AIG1: variants seen among roughly 807,000 people sequenced by gnomAD.
The protein encoded by AIG1 is androgen induced 1.
A neutral mutation model predicts 31.4 loss-of-function variants in AIG1; 23 were observed. That is an observed-to-expected ratio of 0.73 (90% CI 0.53 to 1.04). The LOEUF (loss-of-function observed/expected upper bound fraction) is 1.04, where lower values mean the gene tolerates loss of function less well. Among genes scored for constraint, AIG1 ranks in the 50% least tolerant of loss-of-function variants. AIG1 has a pLI of 0.00. For synonymous variants in AIG1, 100 were observed against 110.5 expected (o/e 0.90, Z 0.60); for missense variants, 274 against 295.0 (o/e 0.93, Z 0.52).
At chr6:143,295,344 A>T (rs9496564) in intron 4 of AIG1, among the ~76,000 whole-genome samples, 1 of 152,132 alleles carries the variant, frequency 6.6e-6, no homozygotes, top group African/African-American at 2.4e-5. Flanking sequence ...AACAAATGTC[A>T]TCATGCTACT....
chr6:143,141,245 C>A (rs1190594834), intron 2 of AIG1, among the ~76,000 whole-genome samples: 1 of 152,180 alleles, frequency 6.6e-6, no homozygotes, highest in Non-Finnish European at 1.5e-5. Context: ...TTCTCTCTCA[C>A]CTCAGCTGAA....
In AIG1 at chr6:143,190,366, G is replaced by C. The variant is rs566227045; in HGVS notation, c.399+25183G>C. 4.1e-6 allele frequency: 4 copies of C among 985,408 alleles called. No homozygotes were observed. In the African/African-American group the frequency reaches 7.0e-5, roughly 17 times the overall value. The allele number at this position is 985,408 out of a possible 1,614,324, so 61.0% of individuals were successfully genotyped here. On this transcript the variant is annotated intron_variant, in intron 3 of 5. Coordinates refer to ENST00000357847, the MANE Select transcript of AIG1 (RefSeq NM_016108.4). ...CTCCTCATGCCCTTGCTCTCCCACT[G>C]ACCTCAGTGCTCAGCACTGGCTTTC...
intron 1 of AIG1, among the ~76,000 whole-genome samples, chr6:143,110,857 C>T (rs559572600): frequency 6.6e-6 from 1 of 152,194 alleles, no homozygotes; most frequent in South Asian, 2.1e-4. Context: ...ATGAATAAAC[C>T]AATGCATATT....
downstream of AIG1, chr6:143,342,673 C>A: frequency 8.2e-7 from 1 of 1,220,394 alleles, no homozygotes; most frequent in East Asian, 2.3e-5. Flanking sequence ...GGTTGGATAG[C>A]ATAAGACCAC....
At chr6:143,138,547 A>G (rs1314998760) in intron 2 of AIG1, among the ~76,000 whole-genome samples, 1 of 152,092 alleles carries the variant, frequency 6.6e-6, no homozygotes, top group Non-Finnish European at 1.5e-5. Flanking sequence ...TTCTATAGCC[A>G]TGTCATTGCC....
intron 1 of AIG1, among the ~76,000 whole-genome samples, chr6:143,065,540 AG>A (rs1431929354): frequency 1.3e-5 from 2 of 152,226 alleles, no homozygotes; most frequent in Non-Finnish European, 2.9e-5. Context: ...AAGATAATAA[AG>A]AAGAATTAGG....
intron 1 of AIG1, among the ~76,000 whole-genome samples, chr6:143,115,120 G>A (rs1373873611): frequency 6.6e-6 from 1 of 152,182 alleles, no homozygotes; most frequent in Non-Finnish European, 1.5e-5. Context: ...ATTTTGGTCA[G>A]TTTTGCAATT....
intron 1 of AIG1, among the ~76,000 whole-genome samples, chr6:143,090,664 T>C (rs1779221847): frequency 6.6e-6 from 1 of 152,236 alleles, no homozygotes; most frequent in Admixed American, 6.5e-5. Context: ...TGTACATGCC[T>C]TAATTTAAAA....
At position 143,333,810 on chromosome 6, in the gene AIG1, A is replaced by G. The variant is rs769656145; in HGVS notation, c.679+365A>G. Among the ~76,000 whole-genome samples the G allele has an allele frequency of 2.6e-5, 4 of 152,202 alleles. No individual in the cohort carries two copies. Among genetic ancestry groups the G allele is most frequent in the Non-Finnish European group, 5.9e-5 (4 of 68,036 alleles). ...TAAAGGGACCTCAAATTAAATAGAT[A>G]CATTATTAAATGTAACCAATCTCCT... On this transcript the variant is annotated intron_variant, in intron 5 of 5. Transcript: ENST00000357847. This position sits in a 1 kb window ranked among gnomAD's most constrained non-coding sequence, Gnocchi z 4.6.
intron 3 of AIG1, among the ~76,000 whole-genome samples, chr6:143,261,117 G>A (rs1159257842): frequency 6.6e-6 from 1 of 152,022 alleles, no homozygotes; most frequent in Non-Finnish European, 1.5e-5. Flanking sequence ...AAGGAAGAAG[G>A]AAAGCATGAG....
Position 143,308,152 on chromosome 6 carries a change from C to T in AIG1, c.515+23927C>T, listed in dbSNP as rs60630168. ...GGAAAGGGAACTCCCTGACCCCTTG[C>T]GCTTCCTGAGTGAGGCAATGCCTCG... is the stretch of plus-strand genomic sequence containing the variant. On this transcript the variant is annotated intron_variant, in intron 4 of 5. Coordinates refer to ENST00000357847, the MANE Select transcript of AIG1 (RefSeq NM_016108.4). Among the ~76,000 whole-genome samples the T allele has an allele frequency of 3.0e-3, 456 of 152,328 alleles. 15 individuals carry two copies. The East Asian group carries it at 0.073, about 24-fold the overall frequency.
Position 143,331,846 on chromosome 6 carries a change from T to TTTATTATTATTATTA in AIG1, c.516-1409_516-1395dup, listed in dbSNP as rs35498304. On this transcript the variant is annotated intron_variant, in intron 4 of 5. Coordinates refer to ENST00000357847, the MANE Select transcript of AIG1 (RefSeq NM_016108.4). The surrounding 1 kb of genome is among the most constrained non-coding windows in gnomAD (Gnocchi z 4.1). ...AAATGAGGTACATGTGTAGGTAATG[T>TTTATTATTATTATTA]TTATTATTATTATTATTATTATTAT... 1.5e-5 allele frequency among the ~76,000 whole-genome samples: 2 copies of TTTATTATTATTATTA among 137,636 alleles called. No homozygotes were observed. Among genetic ancestry groups the TTTATTATTATTATTA allele is most frequent in the African/African-American group, 5.5e-5 (2 of 36,684 alleles). The allele number at this position is 137,636 out of a possible 152,430, so 90.3% of individuals were successfully genotyped here.
chr6:143,096,933 T>G (rs1715568390), intron 1 of AIG1, among the ~76,000 whole-genome samples: 1 of 151,076 alleles, frequency 6.6e-6, no homozygotes, highest in African/African-American at 2.4e-5. Flanking sequence ...TTTAAAATGA[T>G]TTTTTCCATC....
At chr6:143,191,984 T>A (rs1789829392) in intron 3 of AIG1, among the ~76,000 whole-genome samples, 1 of 152,226 alleles carries the variant, frequency 6.6e-6, no homozygotes. Context: ...CATTCTGTTT[T>A]GAAGCTGAAT....
At chr6:143,188,563 G>T in intron 3 of AIG1, 1 of 985,352 alleles carries the variant, frequency 1.0e-6, no homozygotes, top group South Asian at 4.7e-5. Context: ...GTCAAGGTGG[G>T]ACAGCAGAAG....
chr6:143,061,467 C>T, intron 1 of AIG1: 1 of 355,232 alleles, frequency 2.8e-6, no homozygotes, highest in Non-Finnish European at 5.6e-6. Context: ...TTCAGAGCAC[C>T]CACCGTGGGA....
At position 143,106,652 on chromosome 6, in the gene AIG1, T is replaced by A. The variant is rs1478939774; in HGVS notation, c.142-30183T>A. On this transcript the variant is annotated intron_variant, in intron 1 of 5. Coordinates refer to ENST00000357847, the MANE Select transcript of AIG1 (RefSeq NM_016108.4). The stretch of plus-strand genomic sequence containing the variant: ...AAGTAGGAAAGCATATATACTGTTT[T>A]CCCAATTCTCAAACTCATTTCAGTT... Among the ~76,000 whole-genome samples the A allele has an allele frequency of 2.6e-5, 4 of 152,362 alleles. 1 individual carries two copies. In the South Asian group the frequency reaches 8.3e-4, roughly 32 times the overall value.
At chr6:143,075,059 A>G (rs1777609276) in intron 1 of AIG1, among the ~76,000 whole-genome samples, 1 of 152,214 alleles carries the variant, frequency 6.6e-6, no homozygotes, top group Non-Finnish European at 1.5e-5. Context: ...CAGATTTGGT[A>G]TCTTTCAAAT....
At chr6:143,186,918 C>G (rs1245294212) in intron 3 of AIG1, 1 of 165,116 alleles carries the variant, frequency 6.1e-6, no homozygotes, top group East Asian at 1.8e-4. Flanking sequence ...CACAAGGTTG[C>G]CCTTGCAAGT....
Sources: allele counts gnomAD v4.1 joint callset (sites outside exome capture counted in the v4.1 genomes callset), GRCh38; gene constraint gnomAD v4.1.1; non-coding constraint Gnocchi (gnomAD v3.1); transcripts MANE v1.5; gene names NCBI Gene and HGNC (gene_info 2026-07-23, HGNC 2026-07-21).